The following DCP1B variants were observed in gnomAD, a reference collection of about 807,000 sequenced individuals.
DCP1B encodes the protein mRNA-decapping enzyme 1B.
Under a neutral mutation model 60.5 loss-of-function variants are expected in DCP1B, and 47 were observed. The observed-to-expected ratio is 0.78, with a 90% confidence interval of 0.61 to 0.99. The LOEUF is 0.99. Ranked by LOEUF, DCP1B falls within the 50% of genes least tolerant of loss-of-function variation. The pLI is 0.00. For missense variants in DCP1B, 725 were observed against 756.8 expected (o/e 0.96, Z 0.49); for synonymous variants, 267 against 280.3 (o/e 0.95, Z 0.47).
chr12:1,999,212 T>G (rs919087705), intron 1 of DCP1B, among the ~76,000 whole-genome samples: 4 of 152,226 alleles, frequency 2.6e-5, no homozygotes, highest in Non-Finnish European at 5.9e-5. Context: ...GATTCTGATG[T>G]ATGCTAGTTT....
In DCP1B at chr12:2,004,314, G is replaced by A; in HGVS notation, c.118C>T (p.Leu40=). The change falls in exon 1 of 9, where the codon CTG becomes TTG. Residue 40 remains leucine, a synonymous_variant. Coordinates refer to ENST00000280665, the MANE Select transcript of DCP1B (RefSeq NM_152640.5). The stretch of plus-strand genomic sequence containing the variant: ...TTGGCCCGATGGCCGAAGGTGTACA[G>A]AGCCACCTGGCTGGCCACGTCCACG... ...RIVDVASQVA[L]YTFGHRANEW... 1 of 1,613,374 alleles carries A rather than the reference G, an allele frequency of 6.2e-7. No individual in the cohort carries two copies. The highest frequency in any genetic ancestry group is 8.5e-7 in the Non-Finnish European group (1 of 1,179,928).
At chr12:2,002,408 T>C (rs2042384249) in intron 1 of DCP1B, among the ~76,000 whole-genome samples, 1 of 152,220 alleles carries the variant, frequency 6.6e-6, no homozygotes, top group African/African-American at 2.4e-5. Context: ...AGATTAGAAC[T>C]TTGAAAGAAT....
chr12:1,998,126 C>G, intron 1 of DCP1B, 151 bp from the exon 2 acceptor site: 1 of 596,374 alleles, frequency 1.7e-6, no homozygotes, highest in East Asian at 3.2e-5. Context: ...AAGGAGAAAG[C>G]AAGTTCTATG....
chr12:1,977,005 TC>T (rs1370696840), intron 3 of DCP1B, among the ~76,000 whole-genome samples: 1 of 152,144 alleles, frequency 6.6e-6, no homozygotes, highest in African/African-American at 2.4e-5. Context: ...CCAATAAATA[TC>T]CTAGAATGGA....
chr12:1,944,363 G>A (rs1472314549), downstream of DCP1B, among the ~76,000 whole-genome samples: 1 of 152,126 alleles, frequency 6.6e-6, no homozygotes, highest in Non-Finnish European at 1.5e-5. Context: ...ACTGCCCAAA[G>A]TAATTTATAG....
Position 1,946,176 on chromosome 12 carries a change from C to A in DCP1B, c.*30G>T. On this transcript the variant is annotated 3_prime_UTR_variant, in exon 9 of 9. Transcript: ENST00000280665. The stretch of plus-strand genomic sequence containing the variant: ...CCTTGTGCCGGAGTTCTAGAAGGAC[C>A]TTGAAAATCAGTTTTAAAAGGCCTT... 1 of 1,530,134 alleles carries A rather than the reference C, an allele frequency of 6.5e-7. No individual in the cohort carries two copies. Among genetic ancestry groups the A allele is most frequent in the Non-Finnish European group, 8.8e-7 (1 of 1,135,652 alleles). 94.8% of individuals were successfully genotyped at this position (1,530,134 alleles called of 1,614,324 possible).
At chr12:1,942,436 T>C (rs186871702), downstream of DCP1B, among the ~76,000 whole-genome samples, 6 of 152,294 alleles carry the variant, frequency 3.9e-5, no homozygotes, top group Admixed American at 3.9e-4. Flanking sequence ...CTGGACCAAA[T>C]GAACCTAACA....
intron 4 of DCP1B, 37 bp from the exon 5 acceptor site, chr12:1,965,730 C>A: frequency 6.3e-7 from 1 of 1,584,652 alleles, no homozygotes; most frequent in Non-Finnish European, 8.6e-7. Flanking sequence ...ACAAGAAAAG[C>A]CAATTCAACA....
intron 3 of DCP1B, among the ~76,000 whole-genome samples, chr12:1,985,174 G>C (rs1218450980): frequency 6.6e-6 from 1 of 152,082 alleles, no homozygotes; most frequent in African/African-American, 2.4e-5. Flanking sequence ...CATTAGACTG[G>C]GAAAGGTTTT....
At chr12:1,973,903 T>C (rs918892088) in intron 3 of DCP1B, among the ~76,000 whole-genome samples, 5 of 152,192 alleles carry the variant, frequency 3.3e-5, no homozygotes, top group Non-Finnish European at 5.9e-5. Context: ...AATACATCTT[T>C]TCCTTCTCTC....
rs1392092502 is a variant in DCP1B, at chr12:1,962,739, T to C, written c.522+2819A>G. Among the ~76,000 whole-genome samples, 6 of 152,172 alleles carry C rather than the reference T, an allele frequency of 3.9e-5. No individual in the cohort carries two copies. The stretch of plus-strand genomic sequence containing the variant: ...AGGCATCTCTGTCCAGGCCATACAA[T>C]AGAAGGATAATTAAACTGTGGCTCA... On this transcript the variant is annotated intron_variant, in intron 5 of 8. Transcript: ENST00000280665. This position sits in a 1 kb window ranked among gnomAD's most constrained non-coding sequence, Gnocchi z 4.4.
At position 1,962,655 on chromosome 12, in the gene DCP1B, T is replaced by C. The variant is rs148127306; in HGVS notation, c.522+2903A>G. Among the ~76,000 whole-genome samples the C allele has an allele frequency of 9.2e-3, 1,399 of 152,186 alleles. 19 individuals are homozygous for C. The highest frequency in any genetic ancestry group is 0.027 in the African/African-American group (1,117 of 41,496). ...CATCATAATTTTTTTTAATGACTTT[T>C]GAAGAATTAAAAAAACACAAAATGA... On this transcript the variant is annotated intron_variant, in intron 5 of 8. Coordinates refer to ENST00000280665, the MANE Select transcript of DCP1B (RefSeq NM_152640.5). This position sits in a 1 kb window ranked among gnomAD's most constrained non-coding sequence, Gnocchi z 4.4.
downstream of DCP1B, among the ~76,000 whole-genome samples, chr12:1,942,166 A>T (rs912722836): frequency 3.3e-5 from 5 of 152,252 alleles, no homozygotes; most frequent in Non-Finnish European, 5.9e-5. Context: ...ACAGACTTTA[A>T]ACCAACAAAG....
At chr12:1,995,033 G>C (rs1048112625) in intron 2 of DCP1B, among the ~76,000 whole-genome samples, 8 of 151,810 alleles carry the variant, frequency 5.3e-5, no homozygotes, top group Non-Finnish European at 1.2e-4. Context: ...CATTCTTGAG[G>C]AGTTAGATTT....
At chr12:1,993,836 T>C (rs2040135430) in intron 2 of DCP1B, among the ~76,000 whole-genome samples, 3 of 152,118 alleles carry the variant, frequency 2.0e-5, no homozygotes, top group South Asian at 2.1e-4. Flanking sequence ...ATGAAGAAAA[T>C]TTTCATAGAA....
At chr12:1,941,864 T>C (rs1037138604), downstream of DCP1B, among the ~76,000 whole-genome samples, 31 of 152,146 alleles carry the variant, frequency 2.0e-4, no homozygotes, top group Admixed American at 2.0e-3. Flanking sequence ...ATCGACATTA[T>C]GAAGAAACTG....
intron 3 of DCP1B, among the ~76,000 whole-genome samples, chr12:1,983,771 T>C (rs543590976): frequency 1.3e-5 from 2 of 152,178 alleles, no homozygotes; most frequent in Non-Finnish European, 2.9e-5. Context: ...TCCATATACT[T>C]GCTGTTTTCT....
intron 1 of DCP1B, among the ~76,000 whole-genome samples, chr12:2,003,981 T>A (rs2429123): frequency 6.6e-6 from 1 of 151,956 alleles, no homozygotes; most frequent in Non-Finnish European, 1.5e-5. Flanking sequence ...GGCCATAAGG[T>A]ATCAGGTCCT....
intron 5 of DCP1B, among the ~76,000 whole-genome samples, chr12:1,957,188 A>G (rs1455485293): frequency 2.6e-5 from 4 of 152,240 alleles, no homozygotes; most frequent in African/African-American, 7.2e-5. Flanking sequence ...CCTGGGGGGA[A>G]AAACAGTTTT....
Sources: gnomAD v4.1 joint callset for allele counts (sites outside exome capture counted in the v4.1 genomes callset) on GRCh38, gnomAD v4.1.1 for gene constraint, Gnocchi (gnomAD v3.1) non-coding constraint, MANE v1.5 for transcripts, NCBI Gene and HGNC (gene_info 2026-07-23, HGNC 2026-07-21) for gene names.